The following KDM2B variants were observed in gnomAD, a reference collection of about 807,000 sequenced individuals.
KDM2B encodes lysine demethylase 2B.
A neutral mutation model predicts 150.0 loss-of-function variants in KDM2B; 26 were observed. The observed-to-expected ratio is 0.17, with a 90% CI of 0.13 to 0.24. The LOEUF (loss-of-function observed/expected upper bound fraction) is 0.24. Among genes scored for constraint, KDM2B ranks in the 10% least tolerant of loss-of-function variants. KDM2B has a pLI of 1.00. For synonymous variants in KDM2B, 734 were observed against 729.5 expected (o/e 1.01, Z -0.10); for missense variants, 1,265 against 1,816.9 (o/e 0.70, Z 5.52).
intron 2 of KDM2B, among the ~76,000 whole-genome samples, chr12:121,576,567 A>T (rs1374772163): frequency 6.6e-6 from 1 of 151,424 alleles, no homozygotes; most frequent in Non-Finnish European, 1.5e-5. Flanking sequence ...GCAAGACCCA[A>T]GGAAAATTCA....
At chr12:121,563,539 G>A (rs1307250235) in intron 4 of KDM2B, among the ~76,000 whole-genome samples, 1 of 151,924 alleles carries the variant, frequency 6.6e-6, no homozygotes, top group Non-Finnish European at 1.5e-5. Context: ...CTCAGGAGGT[G>A]GAGGTTACAG....
intron 4 of KDM2B, among the ~76,000 whole-genome samples, chr12:121,565,359 C>A (rs1165937007): frequency 2.0e-5 from 3 of 151,602 alleles, no homozygotes; most frequent in Admixed American, 2.0e-4. Flanking sequence ...TCTTGTTGCC[C>A]AGGCTGGAAT....
intron 6 of KDM2B, among the ~76,000 whole-genome samples, chr12:121,542,017 C>G (rs1292307023): frequency 1.3e-5 from 2 of 152,132 alleles, no homozygotes; most frequent in Admixed American, 1.3e-4. Flanking sequence ...ATTCTCCTCC[C>G]CTTGAGTATG....
chr12:121,442,100 G>A lies in KDM2B; in HGVS notation c.3284+57C>T. 1 of 1,423,972 alleles carries A rather than the reference G, an allele frequency of 7.0e-7. No individual in the cohort carries two copies. Among genetic ancestry groups the A allele is most frequent in the East Asian group, 2.3e-5 (1 of 43,930 alleles). 88.2% of individuals were successfully genotyped at this position (1,423,972 alleles called of 1,614,324 possible). On this transcript the variant is annotated intron_variant, in intron 19 of 22. Transcript: ENST00000377071. This position sits in a 1 kb window ranked among gnomAD's most constrained non-coding sequence, Gnocchi z 7.7. Reference sequence around the variant, plus strand: ...TCGCCAGCGACTCCACACACCACGGGCCATCCCTGGTGCCGCCTGAGCCTT... The same window carrying A: ...TCGCCAGCGACTCCACACACCACGGACCATCCCTGGTGCCGCCTGAGCCTT...
At chr12:121,579,398 C>T (rs1047129071) in intron 1 of KDM2B, among the ~76,000 whole-genome samples, 2 of 152,202 alleles carry the variant, frequency 1.3e-5, no homozygotes, top group African/African-American at 4.8e-5. Flanking sequence ...GCCGGGAAGC[C>T]GGAACCGGGG....
chr12:121,530,227 CA>C (rs71453566), intron 8 of KDM2B, among the ~76,000 whole-genome samples: 11,722 of 65,770 alleles, frequency 0.18, 414 homozygotes, highest in African/African-American at 0.2. Flanking sequence ...GACTCCCTCT[CA>C]AAAAAAAAAA....
In KDM2B at chr12:121,548,865, A is replaced by G. The variant is rs1555311239; in HGVS notation, c.683+12T>C. On this transcript the variant is annotated intron_variant, in intron 6 of 22. Coordinates refer to ENST00000377071, the MANE Select transcript of KDM2B (RefSeq NM_032590.5). ...ACCCTGCCAGCTCTGGCCACCAGCC[A>G]GGCAGTCTTACTTTTTCACTTTCGG... 2 of 1,607,058 alleles carry G rather than the reference A, an allele frequency of 1.2e-6. No homozygotes were observed. The highest frequency in any genetic ancestry group is 2.7e-5 in the African/African-American group (2 of 74,816).
At position 121,442,524 on chromosome 12, in the gene KDM2B, T is replaced by C; in HGVS notation, c.2917A>G (p.Ile973Val). 6.3e-7 allele frequency: 1 copy of C among 1,599,598 alleles called. No individual in the cohort carries two copies. Among genetic ancestry groups the C allele is most frequent in the South Asian group, 1.1e-5 (1 of 91,070 alleles). ...CCCTCGCTCTCAGGCTCCGACTTGA[T>C]GGGCTGCTGGTTCTCGTTGGCCAGG... ...NSLANENQQP[I>V]KSEPESEGEE... is the part of the protein sequence containing the mutation. The change falls in exon 19 of 23, where the codon ATC becomes GTC. Residue 973 changes from isoleucine to valine, a missense_variant. Coordinates refer to ENST00000377071, the MANE Select transcript of KDM2B (RefSeq NM_032590.5). The surrounding 1 kb of genome is among the most constrained non-coding windows in gnomAD (Gnocchi z 7.7).
the KDM2B span, chr12:121,420,274 AGATGATGATGACGACGATGATGAG>A: frequency 1.9e-5 from 31 of 1,604,258 alleles, no homozygotes; most frequent in Non-Finnish European, 1.9e-5. Context: ...CAAACACAGA[AGATGATGATGACGACGATGATGAG>A]GATGATGATG....
chr12:121,535,173 C>T (rs1555308512), intron 6 of KDM2B, among the ~76,000 whole-genome samples: 1 of 151,444 alleles, frequency 6.6e-6, no homozygotes, highest in East Asian at 1.9e-4. Flanking sequence ...CTGTGCGACA[C>T]TCCTAAAGAA....
chr12:121,419,426 C>T, the KDM2B span, among the ~76,000 whole-genome samples: 2 of 152,152 alleles, frequency 1.3e-5, no homozygotes, highest in Non-Finnish European at 2.9e-5. Flanking sequence ...TAGATAAGTC[C>T]AAGCCAGGAG....
At chr12:121,412,332 C>T in the KDM2B span, among the ~76,000 whole-genome samples, 4 of 148,382 alleles carry the variant, frequency 2.7e-5, no homozygotes, top group Admixed American at 1.3e-4. Context: ...CTCTGCCTCC[C>T]GGGTTCACGC....
chr12:121,490,523 T>C, intron 12 of KDM2B, among the ~76,000 whole-genome samples: 1 of 152,192 alleles, frequency 6.6e-6, no homozygotes, highest in East Asian at 1.9e-4. Context: ...AGCCAGCCAG[T>C]AGCCATGTCT....
At chr12:121,548,763 C>T (rs995406498) in intron 6 of KDM2B, 114 bp downstream of exon 6, 29 of 760,556 alleles carry the variant, frequency 3.8e-5, no homozygotes, top group Non-Finnish European at 6.2e-5. Flanking sequence ...TGAACGGGAG[C>T]GGTTGTGACG....
chr12:121,548,551 C>T (rs1179202480), intron 6 of KDM2B, among the ~76,000 whole-genome samples: 2 of 152,186 alleles, frequency 1.3e-5, no homozygotes, highest in South Asian at 2.1e-4. Flanking sequence ...AGGGAGTGCA[C>T]AAAAGTATGC....
chr12:121,569,340 G>T (rs1156875850), intron 4 of KDM2B, among the ~76,000 whole-genome samples: 1 of 152,206 alleles, frequency 6.6e-6, no homozygotes, highest in African/African-American at 2.4e-5. Flanking sequence ...ACCCTGAGCT[G>T]GCAGGATAGA....
intron 12 of KDM2B, among the ~76,000 whole-genome samples, chr12:121,473,352 A>C (rs1880972881): frequency 1.3e-5 from 2 of 150,282 alleles, no homozygotes; most frequent in South Asian, 2.1e-4. Context: ...AGATGGCACC[A>C]CTGCACTCCG....
chr12:121,580,372 G>T, intron 1 of KDM2B: 1 of 1,041,178 alleles, frequency 9.6e-7, no homozygotes, highest in Non-Finnish European at 1.2e-6. Flanking sequence ...GGGGGTGGGG[G>T]CGGCGGCCCG....
At chr12:121,498,374 T>C (rs1555301377) in intron 11 of KDM2B, among the ~76,000 whole-genome samples, 1 of 152,148 alleles carries the variant, frequency 6.6e-6, no homozygotes, top group Non-Finnish European at 1.5e-5. Context: ...GGAAAACACA[T>C]GGCCCATTTA....
Sources: gnomAD v4.1 joint callset for allele counts (sites outside exome capture counted in the v4.1 genomes callset) on GRCh38, gnomAD v4.1.1 for gene constraint, Gnocchi (gnomAD v3.1) non-coding constraint, MANE v1.5 for transcripts, NCBI Gene and HGNC (gene_info 2026-07-23, HGNC 2026-07-21) for gene names.